The following MRPS27 variants were observed in gnomAD, a reference collection of about 807,000 sequenced individuals.
MRPS27 encodes the protein mitochondrial ribosomal protein S27, also known as small ribosomal subunit protein mS27.
MRPS27 carries 43 observed loss-of-function variants against 48.9 expected under a neutral mutation model. The observed-to-expected ratio is 0.88, with a 90% CI of 0.69 to 1.13. MRPS27 has a LOEUF of 1.13. MRPS27 is among the 50% of genes most tolerant of loss of function. The pLI is 0.00. For missense variants in MRPS27, 467 were observed against 476.3 expected (o/e 0.98, Z 0.18); for synonymous variants, 188 against 171.9 (o/e 1.09, Z -0.73).
rs969753382 is a variant in MRPS27 at position 72,295,590 on chromosome 5, C to T, written c.223-1G>A. Reference sequence around the variant, plus strand: ...CCCGAGAGGAAATGTTGTCTATAAGCTAAAAGACAGAAAAAGAAACCTTTG... The same window carrying T: ...CCCGAGAGGAAATGTTGTCTATAAGTTAAAAGACAGAAAAAGAAACCTTTG... On this transcript the variant is annotated splice_acceptor_variant, in intron 3 of 10. Transcript: ENST00000261413. LOFTEE classifies it high-confidence loss of function. 1 of 1,607,512 alleles carries T rather than the reference C, an allele frequency of 6.2e-7. No individual in the cohort carries two copies. The highest frequency in any genetic ancestry group is 2.2e-5 in the East Asian group (1 of 44,788).
intron 4 of MRPS27, among the ~76,000 whole-genome samples, chr5:72,267,395 T>C (rs1749130812): frequency 6.6e-6 from 1 of 152,214 alleles, no homozygotes; most frequent in Non-Finnish European, 1.5e-5. Context: ...TAGACTTCAG[T>C]CCATTGTTCA....
At chr5:72,297,178 G>C (rs1750003005) in intron 3 of MRPS27, among the ~76,000 whole-genome samples, 2 of 152,154 alleles carry the variant, frequency 1.3e-5, no homozygotes, top group Non-Finnish European at 2.9e-5. Context: ...CTCAGTAATG[G>C]TTACTATTCC....
intron 2 of MRPS27, among the ~76,000 whole-genome samples, chr5:72,300,329 A>T (rs2112070317): frequency 6.6e-6 from 1 of 152,132 alleles, no homozygotes; most frequent in Non-Finnish European, 1.5e-5. Flanking sequence ...TAGACTGCAG[A>T]CTTCCCTTCT....
rs1320703298 is a variant in MRPS27 at position 72,240,291 on chromosome 5, T to C, written c.282-2163A>G. 3.9e-5 allele frequency among the ~76,000 whole-genome samples: 6 copies of C among 152,168 alleles called. No homozygotes were observed. The South Asian group carries it at 8.3e-4, about 21-fold the overall frequency. ...CAAAAACGATGCACACATAATTTAA[T>C]AATAATACGAGGTGGAGCATGATAA... On this transcript the variant is annotated intron_variant, in intron 4 of 10. Coordinates refer to ENST00000261413, the MANE Select transcript of MRPS27 (RefSeq NM_015084.3).
intron 4 of MRPS27, among the ~76,000 whole-genome samples, chr5:72,284,115 A>G (rs1749603097): frequency 6.6e-6 from 1 of 152,102 alleles, no homozygotes; most frequent in Non-Finnish European, 1.5e-5. Flanking sequence ...AGGATCTTTT[A>G]AAAAATATTT....
chr5:72,246,122 G>A (rs1005818411), intron 4 of MRPS27, among the ~76,000 whole-genome samples: 6 of 152,148 alleles, frequency 3.9e-5, no homozygotes, highest in Non-Finnish European at 5.9e-5. Flanking sequence ...GACTCAAGTA[G>A]GTGCCTGATA....
At chr5:72,318,565 C>T (rs1033854790) in intron 1 of MRPS27, among the ~76,000 whole-genome samples, 1 of 152,186 alleles carries the variant, frequency 6.6e-6, no homozygotes, top group Non-Finnish European at 1.5e-5. Context: ...GAAGTAGAGG[C>T]GGGTGGATCA....
At chr5:72,284,301 A>G (rs1749610424) in intron 4 of MRPS27, among the ~76,000 whole-genome samples, 1 of 151,364 alleles carries the variant, frequency 6.6e-6, no homozygotes, top group East Asian at 1.9e-4. Context: ...GCATACGCCT[A>G]AAGTCCTAGC....
intron 4 of MRPS27, among the ~76,000 whole-genome samples, chr5:72,286,589 A>C (rs147174859): frequency 6.6e-6 from 1 of 152,294 alleles, no homozygotes; most frequent in East Asian, 1.9e-4. Flanking sequence ...AAAAATTCAA[A>C]ATCATAAATC....
At chr5:72,317,533 C>T (rs887112760) in intron 1 of MRPS27, among the ~76,000 whole-genome samples, 2 of 151,948 alleles carry the variant, frequency 1.3e-5, no homozygotes, top group Admixed American at 6.6e-5. Flanking sequence ...CAGGCATGCG[C>T]CACCACGCCT....
At chr5:72,241,978 A>G (rs1275308172) in intron 4 of MRPS27, among the ~76,000 whole-genome samples, 1 of 152,246 alleles carries the variant, frequency 6.6e-6, no homozygotes, top group Non-Finnish European at 1.5e-5. Flanking sequence ...GTGCTCATGA[A>G]GGCTAAAGGT....
chr5:72,241,507 C>A, intron 4 of MRPS27: 1 of 754,610 alleles, frequency 1.3e-6, no homozygotes, highest in Non-Finnish European at 2.2e-6. Context: ...ACTGGGCCAG[C>A]GGGGTTCAAT....
At chr5:72,261,397 G>A (rs1308481707) in intron 4 of MRPS27, among the ~76,000 whole-genome samples, 2 of 151,930 alleles carry the variant, frequency 1.3e-5, no homozygotes, top group Non-Finnish European at 2.9e-5. Flanking sequence ...GATTACAGAC[G>A]CCACCACATG....
intron 7 of MRPS27, 132 bp downstream of exon 7, chr5:72,232,311 T>A (rs1748083403): frequency 1.8e-6 from 1 of 545,520 alleles, no homozygotes; most frequent in African/African-American, 2.0e-5. Context: ...GTAACCAAAA[T>A]GTATACAATA....
chr5:72,229,836 T>C (rs1236400922), intron 7 of MRPS27, among the ~76,000 whole-genome samples: 1 of 152,222 alleles, frequency 6.6e-6, no homozygotes, highest in African/African-American at 2.4e-5. Context: ...AAGCTATTCA[T>C]GTGTCAACAT....
intron 4 of MRPS27, among the ~76,000 whole-genome samples, chr5:72,286,574 CA>C (rs145723034): frequency 0.011 from 1,721 of 151,226 alleles, 30 homozygotes; most frequent in African/African-American, 0.038. Context: ...AACATACACA[CA>C]AAAAAAAATT....
chr5:72,301,708 C>T (rs1451134963), intron 2 of MRPS27, among the ~76,000 whole-genome samples: 2 of 152,234 alleles, frequency 1.3e-5, no homozygotes, highest in Non-Finnish European at 2.9e-5. Flanking sequence ...GTAACAGCTG[C>T]AAAGCCAGCA....
At chr5:72,241,720 C>T (rs1748356186) in intron 4 of MRPS27, 2 of 1,531,534 alleles carry the variant, frequency 1.3e-6, no homozygotes, top group African/African-American at 2.7e-5. Flanking sequence ...GAAAAGAATA[C>T]AACTAACACA....
intron 1 of MRPS27, among the ~76,000 whole-genome samples, chr5:72,318,811 G>A (rs946048291): frequency 6.6e-6 from 1 of 152,024 alleles, no homozygotes; most frequent in Non-Finnish European, 1.5e-5. Context: ...AAAGGCTGGG[G>A]AGGTGATTGT....
Sources: gnomAD v4.1 joint callset for allele counts (sites outside exome capture counted in the v4.1 genomes callset) on GRCh38, gnomAD v4.1.1 for gene constraint, MANE v1.5 for transcripts, NCBI Gene and HGNC (gene_info 2026-07-23, HGNC 2026-07-21) for gene names.